Variants in PPP2R2C observed in about 807,000 individuals in gnomAD.
The protein encoded by PPP2R2C is protein phosphatase 2 regulatory subunit Bgamma.
Under a neutral mutation model 45.3 loss-of-function variants are expected in PPP2R2C, and 10 were observed. That is an observed-to-expected ratio of 0.22 (90% CI 0.14 to 0.37). PPP2R2C has a LOEUF of 0.37. Ranked by LOEUF, PPP2R2C falls within the 10% of genes least tolerant of loss-of-function variation. The pLI is 1.00. For synonymous variants in PPP2R2C, 257 were observed against 245.4 expected, an observed-to-expected ratio of 1.05 and a Z score of -0.44; for missense variants, 308 against 619.7, an observed-to-expected ratio of 0.50 and a Z score of 5.34.
rs996486956 is a variant in PPP2R2C, at chr4:6,381,473, C to A, written c.71-379G>T. ...CACACCTACCCCTGCCACCCAGGCC[C>A]CCATGCTCCAGCAACCTGGGTCAGG... On this transcript the variant is annotated intron_variant, in intron 1 of 8. Transcript: ENST00000382599. 4.7e-5 allele frequency: 64 copies of A among 1,370,742 alleles called. No homozygotes were observed. In the Middle Eastern group the frequency reaches 1.2e-3, roughly 25 times the overall value. 84.9% of individuals were successfully genotyped at this position (1,370,742 alleles called of 1,614,324 possible). A position where few individuals can be genotyped will look rare whatever the true frequency, so the allele number is the denominator to read the frequency against.
rs376022391 is a variant in PPP2R2C, at chr4:6,330,103, C to T, written c.961-750G>A. Among the ~76,000 whole-genome samples, 5 of 152,152 alleles carry T rather than the reference C, an allele frequency of 3.3e-5. No individual in the cohort carries two copies. The highest frequency in any genetic ancestry group is 6.5e-5 in the Admixed American group (1 of 15,278). On this transcript the variant is annotated intron_variant, in intron 7 of 8. Coordinates refer to ENST00000382599, the MANE Select transcript of PPP2R2C (RefSeq NM_020416.4). The surrounding 1 kb of genome is among the most constrained non-coding windows in gnomAD (Gnocchi z 7.0). ...GACCAGGACCCTTCCCCAGGATTCC[C>T]GTACCCCACAGGAGAGAGGGTGACA...
rs1210763696 is a variant in PPP2R2C, at chr4:6,384,392, C to T, written c.71-3298G>A. 1.9e-5 allele frequency: 19 copies of T among 985,146 alleles called. No individual in the cohort carries two copies. In the East Asian group the frequency reaches 4.5e-4, roughly 23 times the overall value. 61.0% of individuals were successfully genotyped at this position (985,146 alleles called of 1,614,324 possible). A position where few individuals can be genotyped will look rare whatever the true frequency, so the allele number is the denominator to read the frequency against. On this transcript the variant is annotated intron_variant, in intron 1 of 8. Transcript: ENST00000382599. ...GGAAGAGAATTCTCCAAAATGTGAA[C>T]GGAGGTAGCTTTAGGGTAGCTGGAA...
chr4:6,421,693 C>T (rs1313700247), intron 1 of PPP2R2C, among the ~76,000 whole-genome samples: 1 of 141,838 alleles, frequency 7.1e-6, no homozygotes, highest in African/African-American at 2.6e-5. Context: ...ATAGGACGGC[C>T]GAGGGGGAGC....
At chr4:6,395,356 G>A (rs1441904618) in intron 1 of PPP2R2C, among the ~76,000 whole-genome samples, 1 of 152,200 alleles carries the variant, frequency 6.6e-6, no homozygotes, top group African/African-American at 2.4e-5. Context: ...CAGGCAACGG[G>A]AATTCAGAAA....
At chr4:6,437,009 T>C (rs1719928467) in intron 1 of PPP2R2C, among the ~76,000 whole-genome samples, 1 of 152,218 alleles carries the variant, frequency 6.6e-6, no homozygotes, top group Non-Finnish European at 1.5e-5. Context: ...CATGTAGACC[T>C]GAATTTCTGA....
In PPP2R2C at chr4:6,469,077, CAAAAAAA is replaced by C. The variant is rs142008829; in HGVS notation, c.70+3076_70+3082del. Among the ~76,000 whole-genome samples the C allele has an allele frequency of 5.6e-3, 315 of 56,190 alleles. 3 individuals are homozygous for C. The highest frequency in any genetic ancestry group is 0.021 in the South Asian group (26 of 1,216). 36.9% of individuals were successfully genotyped at this position (56,190 alleles called of 152,430 possible). On this transcript the variant is annotated intron_variant, in intron 1 of 8. Coordinates refer to ENST00000382599, the MANE Select transcript of PPP2R2C (RefSeq NM_020416.4). ...AGAGTAAGCCACCCAGCCCTGCCAC[CAAAAAAA>C]AAAAAAAAAAAAAAAAAAAAAATCC... is the stretch of plus-strand genomic sequence containing the variant.
At chr4:6,474,222 C>A (rs1176021455), upstream of PPP2R2C, among the ~76,000 whole-genome samples, 1 of 150,846 alleles carries the variant, frequency 6.6e-6, no homozygotes, top group African/African-American at 2.4e-5. Context: ...CTAAGGCCAG[C>A]CCCCCACTCT....
intron 1 of PPP2R2C, chr4:6,381,381 T>C: frequency 1.4e-6 from 2 of 1,469,216 alleles, no homozygotes; most frequent in Non-Finnish European, 1.8e-6. Context: ...AACTGGACAC[T>C]CTATGGGACT....
chr4:6,472,984 C>T (rs1721996448), upstream of PPP2R2C, among the ~76,000 whole-genome samples: 1 of 151,796 alleles, frequency 6.6e-6, no homozygotes, highest in Non-Finnish European at 1.5e-5. Context: ...TTGAAGAGGG[C>T]GCACCTGGAG....
At chr4:6,361,462 T>C (rs1713723172) in intron 5 of PPP2R2C, among the ~76,000 whole-genome samples, 1 of 152,246 alleles carries the variant, frequency 6.6e-6, no homozygotes, top group Admixed American at 6.5e-5. Context: ...ACTCAGCCTT[T>C]CTGTGCTCTG....
intron 1 of PPP2R2C, among the ~76,000 whole-genome samples, chr4:6,407,455 G>A (rs1281750926): frequency 1.3e-5 from 2 of 152,304 alleles, no homozygotes; most frequent in South Asian, 2.1e-4. Context: ...GAGTGCGGTG[G>A]CACGATCTCA....
At chr4:6,405,205 A>C (rs989951259) in intron 1 of PPP2R2C, among the ~76,000 whole-genome samples, 9 of 152,100 alleles carry the variant, frequency 5.9e-5, no homozygotes, top group Non-Finnish European at 1.0e-4. Flanking sequence ...CGTTTTACAG[A>C]TGAGGAAGCC....
chr4:6,398,227 T>A (rs539950706), intron 1 of PPP2R2C, among the ~76,000 whole-genome samples: 12 of 152,192 alleles, frequency 7.9e-5, no homozygotes, highest in Admixed American at 7.2e-4. Context: ...ACAAAAAGCA[T>A]GAAAAACAAC....
At chr4:6,560,529 C>G (rs533059934) in intron 1 of PPP2R2C, among the ~76,000 whole-genome samples, 1 of 152,254 alleles carries the variant, frequency 6.6e-6, no homozygotes, top group African/African-American at 2.4e-5. Context: ...AACAAGAGCA[C>G]CCATTTCACC....
intron 1 of PPP2R2C, among the ~76,000 whole-genome samples, chr4:6,434,182 G>A (rs545161797): frequency 6.6e-6 from 1 of 151,998 alleles, no homozygotes; most frequent in East Asian, 1.9e-4. Flanking sequence ...CTACATCAGC[G>A]CACCCTGAGC....
intron 1 of PPP2R2C, among the ~76,000 whole-genome samples, chr4:6,451,356 C>T (rs1720724180): frequency 6.6e-6 from 1 of 152,244 alleles, no homozygotes; most frequent in South Asian, 2.1e-4. Flanking sequence ...ACAGCTTGCA[C>T]CACTCTCTGG....
Position 6,370,032 on chromosome 4 carries a change from T to C in PPP2R2C, c.625+2491A>G, listed in dbSNP as rs142338720. On this transcript the variant is annotated intron_variant, in intron 5 of 8. Transcript: ENST00000382599. ...CGGCATCCATAGTGTCACGGAATCC[T>C]CACAGCAGCCCAGACAGGAAAACCG... Among the ~76,000 whole-genome samples, 178 of 152,318 alleles carry C rather than the reference T, an allele frequency of 1.2e-3. 1 individual carries two copies. The highest frequency in any genetic ancestry group is 4.1e-3 in the African/African-American group (172 of 41,582).
At chr4:6,376,531 C>G (rs961368520) in intron 3 of PPP2R2C, among the ~76,000 whole-genome samples, 1 of 151,904 alleles carries the variant, frequency 6.6e-6, no homozygotes, top group Non-Finnish European at 1.5e-5. Context: ...CAGCTCACTA[C>G]AGCCTTGACT....
Position 6,373,144 on chromosome 4 carries a change from G to A in PPP2R2C, c.448-444C>T, listed in dbSNP as rs114928376. On this transcript the variant is annotated intron_variant, in intron 4 of 8. Transcript: ENST00000382599. ...TTCTGACCAATGGGATGTGAGCAAA[G>A]TGATACCTGGCCCTGATGCAGCTAA... is the stretch of plus-strand genomic sequence containing the variant. Among the ~76,000 whole-genome samples the A allele has an allele frequency of 2.9e-3, 437 of 152,264 alleles. 1 individual carries two copies. The highest frequency in any genetic ancestry group is 0.01 in the African/African-American group (426 of 41,562).
Sources: allele counts gnomAD v4.1 joint callset (sites outside exome capture counted in the v4.1 genomes callset), GRCh38; gene constraint gnomAD v4.1.1; non-coding constraint Gnocchi (gnomAD v3.1); transcripts MANE v1.5; gene names NCBI Gene and HGNC (gene_info 2026-07-23, HGNC 2026-07-21).